RALGPS1: variants seen among roughly 807,000 people sequenced by gnomAD.
The protein encoded by RALGPS1 is ras-specific guanine nucleotide-releasing factor RalGPS1.
In RALGPS1, 19 loss-of-function variants were observed where a neutral mutation model predicts 78.8. That is an observed-to-expected ratio of 0.24 (90% CI 0.17 to 0.35). RALGPS1 has a LOEUF of 0.35. RALGPS1 is among the 10% of genes least tolerant of loss of function. The pLI is 1.00. For synonymous variants in RALGPS1, 228 were observed against 256.3 expected (o/e 0.89, Z 1.06); for missense variants, 454 against 688.3 (o/e 0.66, Z 3.81).
intron 8 of RALGPS1, among the ~76,000 whole-genome samples, chr9:127,124,743 C>G (rs2056480672): frequency 6.6e-6 from 1 of 152,136 alleles, no homozygotes; most frequent in Admixed American, 6.5e-5. Flanking sequence ...CAGTAAGGAG[C>G]CACTGAAAGG....
At chr9:127,053,251 T>A (rs2048444693) in intron 7 of RALGPS1, among the ~76,000 whole-genome samples, 1 of 152,178 alleles carries the variant, frequency 6.6e-6, no homozygotes, top group African/African-American at 2.4e-5. Context: ...GGCTGGAATT[T>A]TTCTCTGGCA....
At chr9:127,025,897 G>T (rs1395626313) in intron 4 of RALGPS1, among the ~76,000 whole-genome samples, 4 of 152,098 alleles carry the variant, frequency 2.6e-5, no homozygotes, top group Non-Finnish European at 4.4e-5. Context: ...TAGCGACAGG[G>T]TTGCACTATA....
chr9:127,030,622 G>A (rs998324002), intron 4 of RALGPS1, among the ~76,000 whole-genome samples: 2 of 152,024 alleles, frequency 1.3e-5, no homozygotes, highest in Non-Finnish European at 2.9e-5. Flanking sequence ...GAGGGGACAG[G>A]GTCTGGGAGA....
At chr9:127,066,107 G>A (rs1005195303) in intron 7 of RALGPS1, among the ~76,000 whole-genome samples, 2 of 152,194 alleles carry the variant, frequency 1.3e-5, no homozygotes, top group Non-Finnish European at 2.9e-5. Flanking sequence ...GTCCATACAG[G>A]CACTTGACAG....
chr9:127,034,557 G>T, intron 5 of RALGPS1, 43 bp downstream of exon 5: 1 of 1,558,304 alleles, frequency 6.4e-7, no homozygotes, highest in Non-Finnish European at 8.9e-7. Context: ...AGAGCAATCT[G>T]CTGCTGTCCC....
intron 14 of RALGPS1, among the ~76,000 whole-genome samples, chr9:127,204,133 A>G (rs932156853): frequency 6.6e-6 from 1 of 152,070 alleles, no homozygotes; most frequent in Non-Finnish European, 1.5e-5. Context: ...TCTAACACAT[A>G]GGTGGAGCTA....
rs550653628 is a variant in RALGPS1 at position 126,917,900 on chromosome 9, GC to G, written c.-66+2927del. Among the ~76,000 whole-genome samples the G allele has an allele frequency of 9.9e-4, 151 of 152,332 alleles. 1 individual carries two copies. The highest frequency in any genetic ancestry group is 3.4e-3 in the Middle Eastern group (1 of 294). ...ATCACCAAGAGTCCTTCGAGCTCTA[GC>G]CTTCTGGTTAGCATGCCGTCATCTT... On this transcript the variant is annotated intron_variant, in intron 1 of 18. Coordinates refer to ENST00000259351, the MANE Select transcript of RALGPS1 (RefSeq NM_014636.3).
chr9:126,982,856 T>TCCC (rs1250037639), intron 4 of RALGPS1, among the ~76,000 whole-genome samples: 1 of 146,312 alleles, frequency 6.8e-6, no homozygotes. Flanking sequence ...TTCTTCCTCC[T>TCCC]CCTTCTTCTT....
intron 11 of RALGPS1, among the ~76,000 whole-genome samples, chr9:127,182,653 T>A (rs1044122076): frequency 2.6e-5 from 4 of 152,258 alleles, no homozygotes; most frequent in Admixed American, 2.6e-4. Flanking sequence ...GCTCTTGAAC[T>A]CCTGACCTCA....
rs756938413 is a variant in RALGPS1, at chr9:127,212,197, G to A, written c.1314G>A (p.Leu438=). 2 of 1,613,906 alleles carry A rather than the reference G, an allele frequency of 1.2e-6. No homozygotes were observed. Among genetic ancestry groups the A allele is most frequent in the Admixed American group, 3.3e-5 (2 of 59,988 alleles). ...SAAVPTMEGP[L]RRKTLLKEGR... ...CTGTGCCCACCATGGAGGGGCCTCT[G>A]AGAAGAAAAACCCTGCTCAAGGAAG... Residue 438 remains leucine (L), a synonymous_variant, in exon 15 of 19, where the codon CTG becomes CTA. Transcript: ENST00000259351. The surrounding 1 kb of genome is among the most constrained non-coding windows in gnomAD (Gnocchi z 6.0).
At chr9:126,962,072 G>A (rs1355154556) in intron 1 of RALGPS1, among the ~76,000 whole-genome samples, 153 bp from the exon 2 acceptor site, 8 of 152,176 alleles carry the variant, frequency 5.3e-5, no homozygotes, top group Non-Finnish European at 1.0e-4. Context: ...AACTGTATCT[G>A]TGGGCCATAG....
At chr9:126,958,158 T>TATATATATATATATATATATATACAC (rs1345241110) in intron 1 of RALGPS1, among the ~76,000 whole-genome samples, 9 of 121,114 alleles carry the variant, frequency 7.4e-5, no homozygotes, top group Non-Finnish European at 1.0e-4. Context: ...TATATATATA[T>TATATATATATATATATATATATACAC]ACACACACAC....
chr9:127,132,819 C>CA (rs2057097910), intron 8 of RALGPS1, among the ~76,000 whole-genome samples: 1 of 152,214 alleles, frequency 6.6e-6, no homozygotes. Context: ...AAGTGCCTGC[C>CA]ATATAGTAAG....
At chr9:127,214,379 A>T (rs1223621951) in intron 17 of RALGPS1, among the ~76,000 whole-genome samples, 1 of 152,122 alleles carries the variant, frequency 6.6e-6, no homozygotes, top group Non-Finnish European at 1.5e-5. Context: ...ACCGTACTAG[A>T]TCTGTTTTTA....
chr9:127,100,192 T>C (rs1267860831), intron 8 of RALGPS1, among the ~76,000 whole-genome samples: 2 of 152,182 alleles, frequency 1.3e-5, no homozygotes, highest in Non-Finnish European at 2.9e-5. Flanking sequence ...ATTAATTGAG[T>C]TACTCTTAGC....
chr9:127,123,715 G>C (rs2056373567), intron 8 of RALGPS1, among the ~76,000 whole-genome samples: 1 of 152,182 alleles, frequency 6.6e-6, no homozygotes, highest in Admixed American at 6.5e-5. Context: ...GGAGAGGATG[G>C]CACTGGACCC....
intron 8 of RALGPS1, among the ~76,000 whole-genome samples, chr9:127,139,518 C>A (rs777489643): frequency 1.3e-5 from 2 of 152,234 alleles, no homozygotes; most frequent in Non-Finnish European, 2.9e-5. Context: ...CATGACCCAG[C>A]GCTTGGAGCG....
chr9:126,951,049 A>C (rs2037766582), intron 1 of RALGPS1, among the ~76,000 whole-genome samples: 1 of 152,260 alleles, frequency 6.6e-6, no homozygotes, highest in Non-Finnish European at 1.5e-5. Context: ...CCTCTATGCA[A>C]ATAAACTAGA....
chr9:127,172,230 G>A (rs1276154880), intron 10 of RALGPS1, among the ~76,000 whole-genome samples: 1 of 152,216 alleles, frequency 6.6e-6, no homozygotes, highest in Non-Finnish European at 1.5e-5. Context: ...CGGCCTTGCT[G>A]GCTGCCCTCC....
Sources: allele counts gnomAD v4.1 joint callset (sites outside exome capture counted in the v4.1 genomes callset), GRCh38; gene constraint gnomAD v4.1.1; non-coding constraint Gnocchi (gnomAD v3.1); transcripts MANE v1.5; gene names NCBI Gene and HGNC (gene_info 2026-07-23, HGNC 2026-07-21).